CADM2: variants seen among roughly 807,000 people sequenced by gnomAD.
The protein encoded by CADM2 is immunoglobulin superfamily member 4D.
Under a neutral mutation model 49.8 loss-of-function variants are expected in CADM2, and 12 were observed. The ratio of observed to expected loss-of-function variants is 0.24; its 90% CI spans 0.15 to 0.39. The LOEUF is 0.39. Ranked by LOEUF, CADM2 falls within the 10% of genes least tolerant of loss-of-function variation. The probability of loss-of-function intolerance (pLI) is 1.00; values close to 1 mark genes in which losing one functional copy is unlikely to be tolerated. For missense variants in CADM2, 378 were observed against 492.3 expected, an observed-to-expected ratio of 0.77 and a Z score of 2.20; for synonymous variants, 214 against 175.4, an observed-to-expected ratio of 1.22 and a Z score of -1.74.
chr3:85,570,556 T>C (rs2062445423), intron 1 of CADM2, among the ~76,000 whole-genome samples: 1 of 152,138 alleles, frequency 6.6e-6, no homozygotes, highest in Admixed American at 6.6e-5. Context: ...TGTATTATGA[T>C]TTTTTTCAGA....
At chr3:85,947,999 A>G (rs76446023) in intron 7 of CADM2, among the ~76,000 whole-genome samples, 7,862 of 151,602 alleles carry the variant, frequency 0.052, 312 homozygotes, top group Non-Finnish European at 0.069. Flanking sequence ...GTCTCAATAC[A>G]TTGAAGACAC....
chr3:85,132,496 G>T (rs1458602982), intron 1 of CADM2, among the ~76,000 whole-genome samples: 1 of 152,030 alleles, frequency 6.6e-6, no homozygotes, highest in Admixed American at 6.6e-5. Flanking sequence ...CTTCCAGAGG[G>T]TGCTTCCCTG....
At chr3:85,868,079 A>G (rs527333184) in intron 3 of CADM2, among the ~76,000 whole-genome samples, 2 of 152,160 alleles carry the variant, frequency 1.3e-5, no homozygotes, top group Admixed American at 1.3e-4. Context: ...TTAAAAATAG[A>G]TAGATGTAAT....
Position 85,373,094 on chromosome 3 carries a change from C to T in CADM2, c.62-353428C>T, listed in dbSNP as rs1019121743. 7.9e-5 allele frequency among the ~76,000 whole-genome samples: 12 copies of T among 152,148 alleles called. No homozygotes were observed. In the South Asian group the frequency reaches 2.3e-3, roughly 29 times the overall value. On this transcript the variant is annotated intron_variant, in intron 1 of 9. Coordinates refer to ENST00000383699, the MANE Select transcript of CADM2 (RefSeq NM_001167675.2). ...GCTTCCCAAAAGTACCCCAAAGTCT[C>T]GACTCATTTCAGCATTAACTCAAAA...
At chr3:85,432,471 G>T (rs902283823) in intron 1 of CADM2, among the ~76,000 whole-genome samples, 1 of 152,090 alleles carries the variant, frequency 6.6e-6, no homozygotes, top group Non-Finnish European at 1.5e-5. Flanking sequence ...CCCTCAAATC[G>T]TGAGAAGGGT....
intron 2 of CADM2, among the ~76,000 whole-genome samples, chr3:85,790,448 A>G (rs2071256571): frequency 6.6e-6 from 1 of 152,192 alleles, no homozygotes; most frequent in Non-Finnish European, 1.5e-5. Context: ...GCAGCCTAGA[A>G]AACTATTATC....
chr3:85,635,948 A>G (rs1482206357), intron 1 of CADM2, among the ~76,000 whole-genome samples: 1 of 152,160 alleles, frequency 6.6e-6, no homozygotes, highest in Non-Finnish European at 1.5e-5. Context: ...CATTACTCAT[A>G]TGTTTCTGGT....
At chr3:85,571,796 T>A (rs1360711128) in intron 1 of CADM2, among the ~76,000 whole-genome samples, 1 of 152,216 alleles carries the variant, frequency 6.6e-6, no homozygotes, top group African/African-American at 2.4e-5. Context: ...AATGACTATT[T>A]TGTAAGGTCT....
Position 85,282,057 on chromosome 3 carries a change from C to T in CADM2, c.61+322389C>T, listed in dbSNP as rs184273299. Among the ~76,000 whole-genome samples, 10 of 151,958 alleles carry T rather than the reference C, an allele frequency of 6.6e-5. No homozygotes were observed. In the East Asian group the frequency reaches 1.9e-3, roughly 29 times the overall value. ...ACTACATATTCTTCAAAAATCAAAC[C>T]TATGCTTGAAATATGTGTGAAATAT... is the stretch of plus-strand genomic sequence containing the variant. On this transcript the variant is annotated intron_variant, in intron 1 of 9. Coordinates refer to ENST00000383699, the MANE Select transcript of CADM2 (RefSeq NM_001167675.2).
chr3:85,043,311 A>G (rs898386007), intron 1 of CADM2, among the ~76,000 whole-genome samples: 1 of 151,802 alleles, frequency 6.6e-6, no homozygotes, highest in Non-Finnish European at 1.5e-5. Flanking sequence ...AATAATCAAT[A>G]TGCCAAATAT....
chr3:84,984,423 C>T (rs1246415024), intron 1 of CADM2, among the ~76,000 whole-genome samples: 3 of 147,338 alleles, frequency 2.0e-5, no homozygotes, highest in African/African-American at 7.5e-5. Context: ...TCTCCCTTAC[C>T]TCCCATGTTA....
chr3:85,802,070 A>T lies in CADM2; in HGVS notation c.112A>T (p.Thr38Ser), dbSNP rs751014657. 1.2e-6 allele frequency: 2 copies of T among 1,611,372 alleles called. No individual in the cohort carries two copies. Among genetic ancestry groups the T allele is most frequent in the Non-Finnish European group, 1.7e-6 (2 of 1,178,610 alleles). ...VKGSQGQFPL[T>S]QNVTVVEGGT... ...AGGCAGCCAAGGGCAGTTTCCACTA[A>T]CACAGAATGTAACCGTTGTTGAAGG... The change falls in exon 3 of 10, where the codon ACA (threonine) becomes TCA (serine). Residue 38 changes from threonine (T) to serine (S), a missense_variant. By Grantham distance (58) the Thr-to-Ser change is moderately conservative (BLOSUM62 1). Transcript: ENST00000383699.
intron 1 of CADM2, among the ~76,000 whole-genome samples, chr3:85,598,512 G>A (rs939568658): frequency 9.2e-5 from 14 of 151,858 alleles, no homozygotes; most frequent in South Asian, 6.2e-4. Flanking sequence ...TCTACGTATG[G>A]AGGAAGATTT....
intron 1 of CADM2, among the ~76,000 whole-genome samples, chr3:85,625,153 T>C (rs2064088447): frequency 6.6e-6 from 1 of 152,122 alleles, no homozygotes; most frequent in Non-Finnish European, 1.5e-5. Context: ...TAGCTTTTGA[T>C]GATGATGATG....
chr3:85,453,412 C>T (rs9839619), intron 1 of CADM2, among the ~76,000 whole-genome samples: 180 of 152,068 alleles, frequency 1.2e-3, no homozygotes, highest in African/African-American at 4.2e-3. Flanking sequence ...CAGTGGTTAT[C>T]GTATTCTTAA....
chr3:86,013,870 C>CT (rs1697486364), intron 8 of CADM2: 1 of 1,594,768 alleles, frequency 6.3e-7, no homozygotes, highest in African/African-American at 1.3e-5. Flanking sequence ...AAAGTTGTTG[C>CT]TTCTAGACTT....
intron 2 of CADM2, among the ~76,000 whole-genome samples, chr3:85,728,212 T>C (rs973595040): frequency 3.9e-5 from 6 of 152,200 alleles, no homozygotes; most frequent in African/African-American, 1.2e-4. Flanking sequence ...TAGAATTTTA[T>C]AATGCAAGCA....
rs1159969286 is a variant in CADM2, at chr3:85,515,631, A to ATATATATATT, written c.62-210890_62-210889insATATATATTT. ...CACTAATATATATATATATATATAT[A>ATATATATATT]TTTTTTTTTTTTGTATCTTTAGTAG... On this transcript the variant is annotated intron_variant, in intron 1 of 9. Coordinates refer to ENST00000383699, the MANE Select transcript of CADM2 (RefSeq NM_001167675.2). Among the ~76,000 whole-genome samples, 235 of 118,384 alleles carry ATATATATATT rather than the reference A, an allele frequency of 2.0e-3. 2 individuals carry two copies. Among genetic ancestry groups the ATATATATATT allele is most frequent in the African/African-American group, 6.8e-3 (201 of 29,630 alleles). 77.7% of individuals were successfully genotyped at this position (118,384 alleles called of 152,430 possible).
chr3:85,365,197 TA>T (rs1250228233), intron 1 of CADM2, among the ~76,000 whole-genome samples: 57 of 94,156 alleles, frequency 6.1e-4, no homozygotes, highest in Middle Eastern at 5.4e-3. Flanking sequence ...TTTTTTTTTT[TA>T]CTTTTTTTTT....
Sources: gnomAD v4.1 joint callset for allele counts (sites outside exome capture counted in the v4.1 genomes callset) on GRCh38, gnomAD v4.1.1 for gene constraint, MANE v1.5 for transcripts, NCBI Gene and HGNC (gene_info 2026-07-23, HGNC 2026-07-21) for gene names.